Variants in EXO1 observed in about 807,000 individuals in gnomAD.
EXO1 encodes exonuclease 1.
Under a neutral mutation model 84.5 loss-of-function variants are expected in EXO1, and 69 were observed. That is an observed-to-expected ratio of 0.82 (90% CI 0.67 to 1.00). The LOEUF (loss-of-function observed/expected upper bound fraction) is 1.00. Ranked by LOEUF, EXO1 falls within the 50% of genes least tolerant of loss-of-function variation. The pLI is 0.00. For synonymous variants in EXO1, 373 were observed against 366.1 expected, an observed-to-expected ratio of 1.02 and a Z score of -0.21; for missense variants, 1,045 against 1,000.7, an observed-to-expected ratio of 1.04 and a Z score of -0.60.
At chr1:241,872,686 A>G (rs1662184423) in intron 12 of EXO1, among the ~76,000 whole-genome samples, 1 of 152,166 alleles carries the variant, frequency 6.6e-6, no homozygotes. Flanking sequence ...ACATGAACTC[A>G]TCGTTTTTTA....
At chr1:241,876,827 G>A (rs2526697) in intron 12 of EXO1, among the ~76,000 whole-genome samples, 85,104 of 151,866 alleles carry the variant, frequency 0.56, 24,212 homozygotes, top group East Asian at 0.8. Context: ...GATTGGAAGC[G>A]GCATACAATC....
intron 13 of EXO1, among the ~76,000 whole-genome samples, chr1:241,880,004 CA>C (rs576461090): frequency 1.9e-3 from 156 of 83,810 alleles, no homozygotes; most frequent in South Asian, 2.6e-3. Flanking sequence ...AAGACTGTCT[CA>C]AAAAAAAAAA....
At chr1:241,876,391 G>A (rs1457722804) in intron 12 of EXO1, among the ~76,000 whole-genome samples, 1 of 151,938 alleles carries the variant, frequency 6.6e-6, no homozygotes, top group Non-Finnish European at 1.5e-5. Context: ...AGACCAGCCT[G>A]GCCAACATAG....
rs1443850922 is a variant in EXO1 at position 241,866,950 on chromosome 1, C to G, written c.1162C>G (p.Pro388Ala). 6.2e-7 allele frequency: 1 copy of G among 1,613,792 alleles called. No homozygotes were observed. The highest frequency in any genetic ancestry group is 1.3e-5 in the African/African-American group (1 of 74,868). Residue 388 changes from proline (P) to alanine (A), a missense_variant, in exon 11 of 16, where the codon CCA becomes GCA. By Grantham distance (27) the Pro-to-Ala change is conservative (BLOSUM62 -1). Coordinates refer to ENST00000366548, the MANE Select transcript of EXO1 (RefSeq NM_130398.4). ...RPESGTVSDA[P>A]QLKENPSTVG... Reference sequence around the variant, plus strand: ...AGAGTCGGGTACTGTTTCAGATGCCCCACAATTGAAGGAAAATCCAAGTAC... The same window carrying G: ...AGAGTCGGGTACTGTTTCAGATGCCGCACAATTGAAGGAAAATCCAAGTAC...
At chr1:241,886,362 T>C (rs1488468571) in intron 15 of EXO1, among the ~76,000 whole-genome samples, 1 of 152,196 alleles carries the variant, frequency 6.6e-6, no homozygotes, top group Admixed American at 6.5e-5. Context: ...ACCACAAAAT[T>C]AGCCACAGAG....
intron 11 of EXO1, among the ~76,000 whole-genome samples, chr1:241,870,929 G>T (rs1205836434): frequency 1.3e-5 from 2 of 152,080 alleles, no homozygotes; most frequent in Non-Finnish European, 2.9e-5. Context: ...TTAGGCCTGC[G>T]CAATTGCTGC....
At chr1:241,874,062 A>G (rs945188251) in intron 12 of EXO1, among the ~76,000 whole-genome samples, 28 of 152,170 alleles carry the variant, frequency 1.8e-4, no homozygotes, top group African/African-American at 6.8e-4. Context: ...GAAGGCTTGT[A>G]TGCCAACGTG....
chr1:241,851,091 A>G (rs746523498), intron 4 of EXO1, among the ~76,000 whole-genome samples: 4 of 152,036 alleles, frequency 2.6e-5, no homozygotes, highest in Non-Finnish European at 5.9e-5. Context: ...TGGCCTCCCA[A>G]AGTGCTGAGA....
At chr1:241,867,080 G>A (rs377562173) in intron 11 of EXO1, 25 bp downstream of exon 11, 57 of 1,515,176 alleles carry the variant, frequency 3.8e-5, no homozygotes, top group Non-Finnish European at 5.0e-5. Flanking sequence ...TTTGCAAAAT[G>A]CTGGTGAATA....
intron 13 of EXO1, among the ~76,000 whole-genome samples, chr1:241,881,477 T>C (rs1440839003): frequency 6.6e-6 from 1 of 152,262 alleles, no homozygotes; most frequent in Non-Finnish European, 1.5e-5. Context: ...ACAATGCTAC[T>C]CCACTTGAAA....
At chr1:241,880,589 C>A (rs1404668867) in intron 13 of EXO1, among the ~76,000 whole-genome samples, 2 of 152,094 alleles carry the variant, frequency 1.3e-5, no homozygotes, top group Admixed American at 1.3e-4. Flanking sequence ...AGGAATAATT[C>A]ATTAAGTCCT....
chr1:241,879,444 T>C (rs1259877645), intron 13 of EXO1, 101 bp downstream of exon 13: 9 of 690,942 alleles, frequency 1.3e-5, no homozygotes, highest in Non-Finnish European at 2.2e-5. Flanking sequence ...AATGACGAGC[T>C]ATATTATTTT....
At chr1:241,865,990 G>T (rs186368664) in intron 10 of EXO1, among the ~76,000 whole-genome samples, 10 of 152,228 alleles carry the variant, frequency 6.6e-5, no homozygotes, top group Admixed American at 5.2e-4. Context: ...TGTCAGGTGG[G>T]ATTGTAATGA....
chr1:241,888,223 C>T (rs1450113776), intron 15 of EXO1, among the ~76,000 whole-genome samples: 1 of 151,906 alleles, frequency 6.6e-6, no homozygotes, highest in Non-Finnish European at 1.5e-5. Flanking sequence ...CAGAGTGCAA[C>T]AGAACGAGAC....
chr1:241,851,031 C>T (rs540820297), intron 4 of EXO1, among the ~76,000 whole-genome samples: 2 of 151,984 alleles, frequency 1.3e-5, no homozygotes, highest in Non-Finnish European at 2.9e-5. Flanking sequence ...GACAGGGTTT[C>T]ACCATGTTGG....
chr1:241,872,882 G>A (rs537261651), intron 12 of EXO1, among the ~76,000 whole-genome samples: 316 of 152,278 alleles, frequency 2.1e-3, no homozygotes, highest in African/African-American at 7.3e-3. Flanking sequence ...TAATGGGATT[G>A]CTGGGTCAAA....
intron 12 of EXO1, among the ~76,000 whole-genome samples, chr1:241,875,626 C>T (rs1378433445): frequency 6.6e-6 from 1 of 152,136 alleles, no homozygotes; most frequent in African/African-American, 2.4e-5. Flanking sequence ...TGCCTTTAAT[C>T]CCAGCACTTT....
chr1:241,857,561 C>A, intron 7 of EXO1, 79 bp downstream of exon 7: 2 of 774,164 alleles, frequency 2.6e-6, no homozygotes, highest in South Asian at 3.3e-5. Context: ...TTTTCCTGTC[C>A]AGGAAATTAT....
At position 241,852,293 on chromosome 1, in the gene EXO1, T is replaced by C. The variant is rs1660715501; in HGVS notation, c.163T>C (p.Tyr55His). The C allele has an allele frequency of 6.2e-7, 1 of 1,601,736 alleles. No individual in the cohort carries two copies. ...KLAKGEPTDR[Y>H]VGFCMKFVNM... ...GAATGTTTTTCTTTTTTTCCATAGG[T>C]ATGTAGGATTTTGTATGAAATTTGT... is the stretch of plus-strand genomic sequence containing the variant. The change falls in exon 5 of 16, where the codon TAT becomes CAT. Residue 55 changes from tyrosine (Y) to histidine (H), a missense_variant and splice_region_variant. Physicochemically the swap from Tyr to His is moderately conservative, Grantham distance 83. Coordinates refer to ENST00000366548, the MANE Select transcript of EXO1 (RefSeq NM_130398.4).
Sources: allele counts gnomAD v4.1 joint callset (sites outside exome capture counted in the v4.1 genomes callset), GRCh38; gene constraint gnomAD v4.1.1; transcripts MANE v1.5; gene names NCBI Gene and HGNC (gene_info 2026-07-23, HGNC 2026-07-21).